WWOX: variants seen among roughly 807,000 people sequenced by gnomAD.
WWOX encodes WW domain-containing oxidoreductase.
WWOX carries 69 observed loss-of-function variants against 46.2 expected under a neutral mutation model. The ratio of observed to expected loss-of-function variants is 1.49; its 90% CI spans 1.23 to 1.82. The LOEUF (loss-of-function observed/expected upper bound fraction) is 1.82. WWOX is among the 40% of genes most tolerant of loss of function. WWOX has a pLI of 0.00. For synonymous variants in WWOX, 359 were observed against 202.6 expected (o/e 1.77, Z -6.56); for missense variants, 919 against 542.6 (o/e 1.69, Z -6.89).
At chr16:78,371,956 C>T (rs912940411) in intron 5 of WWOX, among the ~76,000 whole-genome samples, 19 of 152,228 alleles carry the variant, frequency 1.2e-4, no homozygotes, top group African/African-American at 2.4e-4. Context: ...GCTTATTGGG[C>T]GCTCAGTTGA....
chr16:78,809,216 C>T (rs973470175), intron 8 of WWOX, among the ~76,000 whole-genome samples: 10 of 151,130 alleles, frequency 6.6e-5, no homozygotes, highest in Non-Finnish European at 1.0e-4. Flanking sequence ...GAGCATGTGT[C>T]CTATAACTTG....
intron 8 of WWOX, among the ~76,000 whole-genome samples, chr16:78,985,005 C>T (rs550311720): frequency 1.5e-3 from 234 of 152,240 alleles, no homozygotes; most frequent in African/African-American, 5.2e-3. Flanking sequence ...ATATTGGATC[C>T]TTGCCCAGCT....
chr16:78,499,111 T>A (rs2084990121), intron 8 of WWOX, among the ~76,000 whole-genome samples: 1 of 152,216 alleles, frequency 6.6e-6, no homozygotes, highest in Non-Finnish European at 1.5e-5. Context: ...AGCTGAATTT[T>A]CCTAAGTATG....
At chr16:78,613,487 C>G (rs528152948) in intron 8 of WWOX, among the ~76,000 whole-genome samples, 2 of 152,140 alleles carry the variant, frequency 1.3e-5, no homozygotes, top group Admixed American at 6.5e-5. Context: ...TGCCAGTTTC[C>G]TCTCCCCCTT....
intron 6 of WWOX, among the ~76,000 whole-genome samples, chr16:78,417,979 G>C (rs761787742): frequency 2.3e-4 from 35 of 152,192 alleles, no homozygotes; most frequent in African/African-American, 8.2e-4. Context: ...GTGATAATAA[G>C]ATTTGCATGA....
chr16:78,697,218 T>C (rs1297825747), intron 8 of WWOX, among the ~76,000 whole-genome samples: 1 of 152,236 alleles, frequency 6.6e-6, no homozygotes, highest in Non-Finnish European at 1.5e-5. Flanking sequence ...GTTCTACTTT[T>C]AGTTCTTCAA....
intron 8 of WWOX, among the ~76,000 whole-genome samples, chr16:78,504,849 T>C (rs2151479238): frequency 6.6e-6 from 1 of 152,286 alleles, no homozygotes; most frequent in Non-Finnish European, 1.5e-5. Context: ...GATTATTTAC[T>C]TTCTAGAATA....
chr16:78,636,454 G>T (rs997418711), intron 8 of WWOX, among the ~76,000 whole-genome samples: 2 of 152,178 alleles, frequency 1.3e-5, no homozygotes, highest in Admixed American at 1.3e-4. Context: ...CAAATGATAA[G>T]CTCTTTTGAA....
chr16:78,582,776 C>T (rs892734769), intron 8 of WWOX, among the ~76,000 whole-genome samples: 5 of 152,120 alleles, frequency 3.3e-5, no homozygotes, highest in Non-Finnish European at 7.4e-5. Context: ...CAGCTACTTC[C>T]ATCAGGGGTC....
intron 8 of WWOX, among the ~76,000 whole-genome samples, chr16:78,597,848 A>C (rs2045527572): frequency 6.6e-6 from 1 of 151,598 alleles, no homozygotes. Context: ...TTAAATTCAG[A>C]AATTTCTAGT....
At chr16:78,210,797 A>ATAATTCTCCAAAGTAGCCT (rs1428889872) in intron 5 of WWOX, among the ~76,000 whole-genome samples, 9 of 152,246 alleles carry the variant, frequency 5.9e-5, no homozygotes, top group Non-Finnish European at 8.8e-5. Flanking sequence ...CTACCCAGTT[A>ATAATTCTCCAAAGTAGCCT]TAATTCTCCA....
intron 8 of WWOX, among the ~76,000 whole-genome samples, chr16:78,930,410 T>A (rs1227132986): frequency 6.6e-6 from 1 of 150,694 alleles, no homozygotes; most frequent in Non-Finnish European, 1.5e-5. Context: ...CCTGAGTAGC[T>A]GGGACTACAG....
At chr16:78,494,016 T>C (rs8046956) in intron 8 of WWOX, among the ~76,000 whole-genome samples, 2,071 of 152,276 alleles carry the variant, frequency 0.014, 46 homozygotes, top group African/African-American at 0.047. Context: ...AAGGGAGGTT[T>C]AGTTGGCTCG....
intron 8 of WWOX, among the ~76,000 whole-genome samples, chr16:79,027,919 T>G (rs2047678017): frequency 6.6e-6 from 1 of 151,280 alleles, no homozygotes; most frequent in Non-Finnish European, 1.5e-5. Context: ...AATTAGGGAG[T>G]TTGCTTTATT....
intron 8 of WWOX, among the ~76,000 whole-genome samples, chr16:78,471,306 G>A (rs76490435): frequency 0.014 from 2,129 of 152,276 alleles, 50 homozygotes; most frequent in African/African-American, 0.049. Context: ...ATTTCAGAGG[G>A]ATTCTGGGTA....
intron 8 of WWOX, among the ~76,000 whole-genome samples, chr16:78,624,410 G>C (rs1453624446): frequency 6.6e-6 from 1 of 152,030 alleles, no homozygotes; most frequent in Non-Finnish European, 1.5e-5. Context: ...TGGACGGTTT[G>C]CTTTAGAGTG....
chr16:79,075,193 A>G (rs922690798), intron 8 of WWOX, among the ~76,000 whole-genome samples: 1 of 152,252 alleles, frequency 6.6e-6, no homozygotes, highest in South Asian at 2.1e-4. Context: ...CTGCATTTGT[A>G]TGAAGCTTCC....
At chr16:78,169,385 C>A (rs2151741019) in intron 5 of WWOX, among the ~76,000 whole-genome samples, 1 of 151,930 alleles carries the variant, frequency 6.6e-6, no homozygotes, top group South Asian at 2.1e-4. Flanking sequence ...CTTTCCTTTA[C>A]CCAGTATCTA....
At chr16:78,973,653 C>T (rs905985976) in intron 8 of WWOX, among the ~76,000 whole-genome samples, 3 of 152,056 alleles carry the variant, frequency 2.0e-5, no homozygotes, top group African/African-American at 7.2e-5. Flanking sequence ...TTTGCTTTGC[C>T]TTGTCTGGTT....
Sources: gnomAD v4.1 joint callset for allele counts (sites outside exome capture counted in the v4.1 genomes callset) on GRCh38, gnomAD v4.1.1 for gene constraint, MANE v1.5 for transcripts, NCBI Gene and HGNC (gene_info 2026-07-23, HGNC 2026-07-21) for gene names.